RUNDC3B: variants seen among roughly 807,000 people sequenced by gnomAD.
RUNDC3B encodes the protein RUN domain containing 3B.
RUNDC3B carries 33 observed loss-of-function variants against 58.4 expected under a neutral mutation model. That is an observed-to-expected ratio of 0.56 (90% CI 0.43 to 0.75). The LOEUF is 0.75. Among genes scored for constraint, RUNDC3B ranks in the 30% least tolerant of loss-of-function variants. The pLI, the probability that RUNDC3B is intolerant of heterozygous loss-of-function variation, is 0.00. For missense variants in RUNDC3B, 501 were observed against 535.7 expected (o/e 0.94, Z 0.64); for synonymous variants, 193 against 195.2 (o/e 0.99, Z 0.10).
At chr7:87,694,612 A>G (rs1828329637) in intron 2 of RUNDC3B, among the ~76,000 whole-genome samples, 1 of 152,194 alleles carries the variant, frequency 6.6e-6, no homozygotes, top group Non-Finnish European at 1.5e-5. Context: ...TTCTGTACCT[A>G]TAGTCTTAAT....
chr7:87,708,172 A>G (rs1169584378), intron 3 of RUNDC3B, among the ~76,000 whole-genome samples: 3 of 152,134 alleles, frequency 2.0e-5, no homozygotes, highest in Non-Finnish European at 4.4e-5. Context: ...AATAAAATTG[A>G]AACAAATATA....
intron 8 of RUNDC3B, among the ~76,000 whole-genome samples, chr7:87,783,395 C>T (rs116764932): frequency 0.03 from 4,564 of 152,072 alleles, 65 homozygotes; most frequent in Middle Eastern, 0.048. Flanking sequence ...CTGTGGGTTT[C>T]ATTATGTGTG....
chr7:87,753,387 G>T, intron 6 of RUNDC3B, among the ~76,000 whole-genome samples: 1 of 151,652 alleles, frequency 6.6e-6, no homozygotes, highest in African/African-American at 2.4e-5. Context: ...ATGTCTATTA[G>T]GTCCACTTGG....
chr7:87,788,798 T>C (rs1004904161), intron 8 of RUNDC3B, among the ~76,000 whole-genome samples: 2 of 151,824 alleles, frequency 1.3e-5, no homozygotes, highest in African/African-American at 4.8e-5. Flanking sequence ...TATGTATACA[T>C]GTGCCTTTTC....
chr7:87,678,614 A>T (rs1826612404), intron 2 of RUNDC3B, among the ~76,000 whole-genome samples: 1 of 152,208 alleles, frequency 6.6e-6, no homozygotes, highest in Non-Finnish European at 1.5e-5. Flanking sequence ...AGATATGTTA[A>T]ATATAAATGG....
At chr7:87,744,692 C>A (rs987160523) in intron 6 of RUNDC3B, among the ~76,000 whole-genome samples, 26 of 152,124 alleles carry the variant, frequency 1.7e-4, no homozygotes, top group African/African-American at 6.3e-4. Flanking sequence ...TTGCTGAATT[C>A]TTTTATCAAT....
At chr7:87,825,973 A>T (rs556807287) in intron 10 of RUNDC3B, among the ~76,000 whole-genome samples, 125 of 152,264 alleles carry the variant, frequency 8.2e-4, no homozygotes, top group African/African-American at 3.0e-3. Context: ...ATAGGCTCAT[A>T]GGTAGAAGAA....
chr7:87,694,692 T>G (rs1220689463), intron 2 of RUNDC3B, among the ~76,000 whole-genome samples: 1 of 152,016 alleles, frequency 6.6e-6, no homozygotes, highest in Non-Finnish European at 1.5e-5. Context: ...TGTGTGGACT[T>G]CAGCCGTCAT....
At chr7:87,629,281 C>A in intron 1 of RUNDC3B, 1 of 233,076 alleles carries the variant, frequency 4.3e-6, no homozygotes, top group Non-Finnish European at 8.3e-6. Flanking sequence ...AATGCCCATT[C>A]AGCTGTCAGC....
chr7:87,752,927 G>A (rs1299000478), intron 6 of RUNDC3B, among the ~76,000 whole-genome samples: 1 of 151,196 alleles, frequency 6.6e-6, no homozygotes, highest in Non-Finnish European at 1.5e-5. Flanking sequence ...GCTTTTGAAT[G>A]TGTTTGCTCT....
At chr7:87,707,671 C>CATAAA (rs1414553975) in intron 3 of RUNDC3B, among the ~76,000 whole-genome samples, 2 of 151,508 alleles carry the variant, frequency 1.3e-5, no homozygotes, top group Middle Eastern at 3.4e-3. Context: ...AAGACCCTGT[C>CATAAA]ATAAAATAAA....
At chr7:87,803,799 C>G (rs1397897662) in intron 8 of RUNDC3B, among the ~76,000 whole-genome samples, 3 of 152,050 alleles carry the variant, frequency 2.0e-5, no homozygotes, top group Non-Finnish European at 4.4e-5. Flanking sequence ...GAATATTTTG[C>G]AGATTTAATC....
chr7:87,657,124 A>C (rs1276955693), intron 2 of RUNDC3B, among the ~76,000 whole-genome samples: 2 of 152,174 alleles, frequency 1.3e-5, no homozygotes, highest in East Asian at 1.9e-4. Flanking sequence ...AAACATAAGA[A>C]GACTCTGAAA....
intron 6 of RUNDC3B, among the ~76,000 whole-genome samples, chr7:87,748,572 A>G (rs149873382): frequency 2.0e-5 from 3 of 152,292 alleles, no homozygotes; most frequent in African/African-American, 4.8e-5. Context: ...GCTATTCTGT[A>G]TGTGTATAAA....
intron 2 of RUNDC3B, among the ~76,000 whole-genome samples, chr7:87,652,506 T>C (rs1415856822): frequency 6.6e-6 from 1 of 151,848 alleles, no homozygotes; most frequent in Non-Finnish European, 1.5e-5. Context: ...TGGATAAGAA[T>C]TCTACTTGTG....
intron 7 of RUNDC3B, among the ~76,000 whole-genome samples, chr7:87,773,322 CAA>C (rs760846940): frequency 5.3e-4 from 31 of 58,164 alleles, no homozygotes; most frequent in African/African-American, 1.7e-3. Flanking sequence ...GACTCCGTCT[CAA>C]AAAAAAAAAA....
At chr7:87,784,052 G>A (rs1007371027) in intron 8 of RUNDC3B, among the ~76,000 whole-genome samples, 15 of 152,126 alleles carry the variant, frequency 9.9e-5, no homozygotes, top group Admixed American at 9.8e-4. Context: ...AACCTATCTA[G>A]TGAGATCAGG....
chr7:87,781,645 TA>T (rs755243422), intron 8 of RUNDC3B, among the ~76,000 whole-genome samples: 54 of 152,148 alleles, frequency 3.5e-4, no homozygotes, highest in Non-Finnish European at 6.8e-4. Context: ...CTTGTTATTT[TA>T]AGATACATTC....
chr7:87,744,506 T>C (rs973316751), intron 6 of RUNDC3B, among the ~76,000 whole-genome samples: 5 of 152,224 alleles, frequency 3.3e-5, no homozygotes, highest in Non-Finnish European at 5.9e-5. Context: ...GTTTTGTAGT[T>C]TTCCTTGTAA....
Sources: allele counts gnomAD v4.1 joint callset (sites outside exome capture counted in the v4.1 genomes callset), GRCh38; gene constraint gnomAD v4.1.1; transcripts MANE v1.5; gene names NCBI Gene and HGNC (gene_info 2026-07-23, HGNC 2026-07-21).